Variants in CHMP6 observed in about 807,000 individuals in gnomAD.
CHMP6 encodes the protein chromatin-modifying protein 6.
CHMP6 carries 10 observed loss-of-function variants against 32.8 expected under a neutral mutation model. The ratio of observed to expected loss-of-function variants is 0.30; its 90% CI spans 0.19 to 0.52. The LOEUF (loss-of-function observed/expected upper bound fraction) is 0.52, where lower values mean the gene tolerates loss of function less well. CHMP6 is among the 20% of genes least tolerant of loss of function. The probability of loss-of-function intolerance (pLI) is 0.97; values close to 1 mark genes in which losing one functional copy is unlikely to be tolerated. For missense variants in CHMP6, 269 were observed against 263.8 expected (o/e 1.02, Z -0.14); for synonymous variants, 123 against 105.8 (o/e 1.16, Z -1.00).
intron 1 of CHMP6, among the ~76,000 whole-genome samples, chr17:80,992,970 G>T (rs574962738): frequency 2.7e-4 from 41 of 152,340 alleles, no homozygotes; most frequent in African/African-American, 7.2e-4. Flanking sequence ...GAAACAACGG[G>T]CACATTTGTC....
chr17:80,996,874 A>G, intron 4 of CHMP6, 133 bp from the exon 5 acceptor site: 2 of 937,330 alleles, frequency 2.1e-6, no homozygotes, highest in South Asian at 3.6e-5. Context: ...CAACACAGCC[A>G]GACCTTGTCT....
chr17:80,992,394 C>T (rs530526489), intron 1 of CHMP6, among the ~76,000 whole-genome samples: 80 of 152,182 alleles, frequency 5.3e-4, no homozygotes, highest in African/African-American at 1.6e-3. Context: ...GTCGCTGCCC[C>T]CGCCCCCGTC....
chr17:80,997,348 GC>G lies in CHMP6; in HGVS notation c.495+14del, dbSNP rs11362653. The G allele has an allele frequency of 0.043, 63,219 of 1,467,210 alleles. 4,689 individuals carry two copies. The highest frequency in any genetic ancestry group is 0.27 in the African/African-American group (17,467 of 64,046). The allele number at this position is 1,467,210 out of a possible 1,614,324, so 90.9% of individuals were successfully genotyped here. ...GCTGAGCGCAATCACTCAGGTAACG[GC>G]CCCCCCGGGACTGAGCACAGTCACT... On this transcript the variant is annotated splice_region_variant and intron_variant, in intron 6 of 7. Coordinates refer to ENST00000325167, the MANE Select transcript of CHMP6 (RefSeq NM_024591.5).
intron 6 of CHMP6, among the ~76,000 whole-genome samples, chr17:80,997,842 G>A (rs942792983): frequency 6.6e-6 from 1 of 152,172 alleles, no homozygotes; most frequent in Non-Finnish European, 1.5e-5. Flanking sequence ...CTGCCCCGGC[G>A]CCCTGGTGCT....
chr17:80,999,000 C>G (rs112400287), intron 7 of CHMP6, 98 bp from the exon 8 acceptor site: 1 of 1,429,494 alleles, frequency 7.0e-7, no homozygotes, highest in South Asian at 1.2e-5. Flanking sequence ...GCGAAGTCCC[C>G]GGAACTGGCC....
Position 80,997,020 on chromosome 17 carries a change from A to T in CHMP6, c.362A>T (p.Glu121Val), listed in dbSNP as rs1384615521. The change falls in exon 5 of 8, where the codon GAA becomes GTA. Residue 121 changes from glutamate to valine, a missense_variant. Coordinates refer to ENST00000325167, the MANE Select transcript of CHMP6 (RefSeq NM_024591.5). The part of the protein sequence containing the change: ...LNKMHQVMSI[E>V]EVERILDETQ... The stretch of plus-strand genomic sequence containing the variant: ...CCTCGTCCACAGGTGATGTCCATTG[A>T]AGAGGTGGAGAGGATCCTGGACGAG... 2 of 1,613,806 alleles carry T rather than the reference A, an allele frequency of 1.2e-6. No individual in the cohort carries two copies. Among genetic ancestry groups the T allele is most frequent in the Admixed American group, 1.7e-5 (1 of 60,010 alleles).
At chr17:80,998,678 G>A (rs1168581000) in intron 7 of CHMP6, 2 of 1,397,096 alleles carry the variant, frequency 1.4e-6, no homozygotes, top group African/African-American at 1.5e-5. Flanking sequence ...CTGGGGAAAG[G>A]CTTCTTTAGC....
chr17:80,992,009 TG>T (rs2069596251), intron 1 of CHMP6, 28 bp downstream of exon 1: 1 of 1,372,376 alleles, frequency 7.3e-7, no homozygotes, highest in South Asian at 1.6e-5. Flanking sequence ...GGGTCAGGGC[TG>T]GGGCCGGGAC....
rs750550425 is a variant in CHMP6, at chr17:80,999,168, G to C, written c.*15G>C. 2.5e-6 allele frequency: 4 copies of C among 1,613,754 alleles called. No individual in the cohort carries two copies. The highest frequency in any genetic ancestry group is 2.2e-5 in the South Asian group (2 of 91,094). ...CAGCTTCGTAACGTGGCCTCGTCTTGTGGGACTCACGGGGATGCCCCAGGG... is the reference window on the plus strand; with the variant it reads ...CAGCTTCGTAACGTGGCCTCGTCTTCTGGGACTCACGGGGATGCCCCAGGG... On this transcript the variant is annotated 3_prime_UTR_variant, in exon 8 of 8. Coordinates refer to ENST00000325167, the MANE Select transcript of CHMP6 (RefSeq NM_024591.5).
chr17:80,995,840 C>G (rs2069633476), intron 4 of CHMP6, 82 bp downstream of exon 4: 3 of 1,295,874 alleles, frequency 2.3e-6, no homozygotes, highest in Non-Finnish European at 3.3e-6. Flanking sequence ...GGGCTTGTCC[C>G]ACGGTGTTCG....
At chr17:80,995,297 TG>T (rs1555645858) in intron 3 of CHMP6, among the ~76,000 whole-genome samples, 191 bp downstream of exon 3, 2 of 151,994 alleles carry the variant, frequency 1.3e-5, no homozygotes, top group Non-Finnish European at 1.5e-5. Context: ...CTTAAGAGGC[TG>T]GGGGGCAGGT....
At position 80,995,776 on chromosome 17, in the gene CHMP6, C is replaced by T. The variant is rs1294893360; in HGVS notation, c.348+18C>T. 6.2e-7 allele frequency: 1 copy of T among 1,611,992 alleles called. No homozygotes were observed. Among genetic ancestry groups the T allele is most frequent in the Non-Finnish European group, 8.5e-7 (1 of 1,178,364 alleles). ...TGCACCAGGTGAGTCTCTGCAGGGC[C>T]AGGGGCATGGAGGTGTGGGGAGCCC... On this transcript the variant is annotated intron_variant, in intron 4 of 7. Coordinates refer to ENST00000325167, the MANE Select transcript of CHMP6 (RefSeq NM_024591.5).
In CHMP6 at chr17:80,994,562, G is replaced by A; in HGVS notation, c.64-19G>A. 1 of 1,553,682 alleles carries A rather than the reference G, an allele frequency of 6.4e-7. No homozygotes were observed. The highest frequency in any genetic ancestry group is 8.7e-7 in the Non-Finnish European group (1 of 1,149,276). ...CCCAGTGTGGGCTCGGTGACGCCAG[G>A]CCCTCTCTCTCTTGGCAGCAACTGA... On this transcript the variant is annotated intron_variant, in intron 1 of 7. Transcript: ENST00000325167.
intron 7 of CHMP6, chr17:80,998,632 A>G: frequency 1.4e-6 from 2 of 1,426,156 alleles, no homozygotes; most frequent in Non-Finnish European, 1.8e-6. Flanking sequence ...TAAGAGAGCC[A>G]TACCCCATTC....
At position 80,994,641 on chromosome 17, in the gene CHMP6, G is replaced by A. The variant is rs1314960544; in HGVS notation, c.124G>A (p.Glu42Lys). Residue 42 changes from glutamate (E) to lysine (K), a missense_variant, in exon 2 of 8, where the codon GAG (glutamate) becomes AAG (lysine). Glu to Lys is a moderately conservative substitution (Grantham distance 56). Transcript: ENST00000325167. Reference protein sequence around the residue: ...QYQKRIAQQLERERALARQLL... With the variant: ...QYQKRIAQQLKRERALARQLL... ...CCAGAAGAGGATCGCCCAGCAGCTG[G>A]AGCGCGAGCGCGCCCTGGCCCGGCA... 1.3e-6 allele frequency: 2 copies of A among 1,585,256 alleles called. No individual in the cohort carries two copies. Among genetic ancestry groups the A allele is most frequent in the Admixed American group, 3.7e-5 (2 of 54,744 alleles).
intron 4 of CHMP6, among the ~76,000 whole-genome samples, chr17:80,996,535 C>G (rs576275254): frequency 3.0e-4 from 46 of 152,216 alleles, no homozygotes; most frequent in Admixed American, 1.0e-3. Context: ...TTGGTGAGTA[C>G]TGGTGGTGTG....
intron 7 of CHMP6, 88 bp downstream of exon 7, chr17:80,998,508 C>A (rs1402037562): frequency 6.2e-7 from 1 of 1,607,712 alleles, no homozygotes. Flanking sequence ...TGCTCCCAGG[C>A]CTTCCTGGGC....
intron 4 of CHMP6, among the ~76,000 whole-genome samples, chr17:80,996,523 GTT>G (rs2069638747): frequency 6.6e-6 from 1 of 152,204 alleles, no homozygotes; most frequent in Non-Finnish European, 1.5e-5. Flanking sequence ...TTTTCCAAGT[GTT>G]TGGTGAGTAC....
At position 80,999,237 on chromosome 17, in the gene CHMP6, G is replaced by A. The variant is rs1020771734; in HGVS notation, c.*84G>A. On this transcript the variant is annotated 3_prime_UTR_variant, in exon 8 of 8. Transcript: ENST00000325167. ...TTTGGGTCACGGCCAGCCCCTGACCGGGTTCCCTGGAGCCCAGTGCGCACG... is the reference window on the plus strand; with the variant it reads ...TTTGGGTCACGGCCAGCCCCTGACCAGGTTCCCTGGAGCCCAGTGCGCACG... 63 of 1,519,082 alleles carry A rather than the reference G, an allele frequency of 4.1e-5. No homozygotes were observed. Among genetic ancestry groups the A allele is most frequent in the Non-Finnish European group, 5.5e-5 (60 of 1,097,058 alleles). The allele number at this position is 1,519,082 out of a possible 1,614,324, so 94.1% of individuals were successfully genotyped here.
Sources: allele counts gnomAD v4.1 joint callset (sites outside exome capture counted in the v4.1 genomes callset), GRCh38; gene constraint gnomAD v4.1.1; transcripts MANE v1.5; gene names NCBI Gene and HGNC (gene_info 2026-07-23, HGNC 2026-07-21).